Variants in SLC26A3 observed in about 807,000 individuals in gnomAD.
SLC26A3 encodes the protein chloride anion exchanger.
Under a neutral mutation model 85.6 loss-of-function variants are expected in SLC26A3, and 64 were observed. The ratio of observed to expected loss-of-function variants is 0.75; its 90% CI spans 0.61 to 0.92. The LOEUF (loss-of-function observed/expected upper bound fraction) is 0.92. SLC26A3 is among the 40% of genes least tolerant of loss of function. The pLI, the probability that SLC26A3 is intolerant of heterozygous loss-of-function variation, is 0.00. For missense variants in SLC26A3, 922 were observed against 927.3 expected (o/e 0.99, Z 0.07); for synonymous variants, 349 against 336.0 (o/e 1.04, Z -0.42).
chr7:107,788,212 C>T (rs986628084), intron 6 of SLC26A3, among the ~76,000 whole-genome samples: 1 of 152,110 alleles, frequency 6.6e-6, no homozygotes, highest in Non-Finnish European at 1.5e-5. Flanking sequence ...TTTTGGGAGT[C>T]GTTAAAAATC....
rs570484763 is a variant in SLC26A3 at position 107,797,232 on chromosome 7, G to A, written c.-88-2635C>T. Among the ~76,000 whole-genome samples, 7 of 152,264 alleles carry A rather than the reference G, an allele frequency of 4.6e-5. 1 individual carries two copies. The highest frequency in any genetic ancestry group is 7.4e-5 in the Non-Finnish European group (5 of 68,018). On this transcript the variant is annotated intron_variant, in intron 1 of 20. Coordinates refer to ENST00000340010, the MANE Select transcript of SLC26A3 (RefSeq NM_000111.3). ...TTTCCGGCCAGGCGCGGTGGCTTAC[G>A]CCTGTAATCCCAGCACTTTGGGAGG...
In SLC26A3 at chr7:107,774,103, C is replaced by G; in HGVS notation, c.1824G>C (p.Leu608=). The G allele has an allele frequency of 6.2e-7, 1 of 1,614,158 alleles. No homozygotes were observed. Reference sequence around the variant, plus strand: ...CCAGTACTTCTATCTGATTGTTGTCCAGCTCTTCGTCAGAATCTTTTATGG... The same window carrying G: ...CCAGTACTTCTATCTGATTGTTGTCGAGCTCTTCGTCAGAATCTTTTATGG... ...VDTIKDSDEE[L]DNNQIEVLDQ... The change falls in exon 17 of 21, where the codon CTG becomes CTC. Residue 608 remains leucine, a synonymous_variant. Transcript: ENST00000340010.
intron 15 of SLC26A3, among the ~76,000 whole-genome samples, chr7:107,775,350 TG>T (rs753801499): frequency 3.3e-5 from 5 of 152,168 alleles, no homozygotes; most frequent in African/African-American, 4.8e-5. Flanking sequence ...GGCTAATCTT[TG>T]TTTTTTTCAA....
chr7:107,782,933 T>C, intron 10 of SLC26A3, 47 bp downstream of exon 10: 1 of 1,612,954 alleles, frequency 6.2e-7, no homozygotes, highest in East Asian at 2.2e-5. Flanking sequence ...TTGAATTTCC[T>C]AGTTACTAAC....
rs749777742 is a variant in SLC26A3 at position 107,774,839 on chromosome 7, G to A, written c.1711C>T (p.Arg571Cys). Reference protein sequence around the residue: ...GFSPLRILRKRNKALRKIRKL... With the variant: ...GFSPLRILRKCNKALRKIRKL... ...CGGATTTTCCTCAAAGCTTTGTTGC[G>A]CTTGCGTAGAATTCGAAGTGGACTA... Residue 571 changes from arginine (R) to cysteine (C), a missense_variant, in exon 16 of 21, where the codon CGC (arginine) becomes TGC (cysteine). Arg to Cys is a radical substitution (Grantham distance 180). Coordinates refer to ENST00000340010, the MANE Select transcript of SLC26A3 (RefSeq NM_000111.3). 1.2e-5 allele frequency: 20 copies of A among 1,613,980 alleles called. No individual in the cohort carries two copies. The highest frequency in any genetic ancestry group is 5.3e-5 in the African/African-American group (4 of 74,922).
intron 11 of SLC26A3, 145 bp from the exon 12 acceptor site, chr7:107,779,908 A>G: frequency 1.4e-6 from 1 of 715,928 alleles, no homozygotes; most frequent in Non-Finnish European, 2.5e-6. Context: ...GTGCGATGCC[A>G]CGCAAGACAC....
chr7:107,798,794 A>G (rs140943957), intron 1 of SLC26A3, among the ~76,000 whole-genome samples: 173 of 152,178 alleles, frequency 1.1e-3, no homozygotes, highest in Non-Finnish European at 1.8e-3. Flanking sequence ...TGAAAACACA[A>G]CTCACCTCAT....
At chr7:107,778,335 G>A (rs1794155079) in intron 12 of SLC26A3, 54 bp from the exon 13 acceptor site, 4 of 961,092 alleles carry the variant, frequency 4.2e-6, no homozygotes, top group Non-Finnish European at 6.5e-6. Context: ...AAAGTACAAT[G>A]TCGAGACGGG....
At chr7:107,768,030 G>T in intron 18 of SLC26A3, 122 bp from the exon 19 acceptor site, 2 of 863,044 alleles carry the variant, frequency 2.3e-6, no homozygotes, top group Non-Finnish European at 3.8e-6. Context: ...TTGGTTAAGT[G>T]TGTGTGGGTT....
intron 1 of SLC26A3, among the ~76,000 whole-genome samples, chr7:107,802,073 C>T (rs1402266524): frequency 3.0e-5 from 4 of 134,634 alleles, no homozygotes; most frequent in Non-Finnish European, 6.2e-5. Context: ...GCCTGGGCGA[C>T]AGAGTGAGAA....
At chr7:107,774,743 C>T (rs1794082145) in intron 16 of SLC26A3, 34 bp downstream of exon 16, 1 of 1,443,930 alleles carries the variant, frequency 6.9e-7, no homozygotes, top group Non-Finnish European at 9.8e-7. Context: ...AAGCTTTTAG[C>T]TATAATGCAT....
intron 3 of SLC26A3, among the ~76,000 whole-genome samples, chr7:107,792,625 T>A (rs553118610): frequency 6.6e-5 from 10 of 152,276 alleles, no homozygotes; most frequent in African/African-American, 2.4e-4. Flanking sequence ...TTTGCTCACC[T>A]GCCACTCACC....
At position 107,786,812 on chromosome 7, in the gene SLC26A3, C is replaced by T. The variant is rs1238393860; in HGVS notation, c.971+15G>A. ...GCTTAGTGCATGGTGATGCCATCAT[C>T]GAAGACACACTTACCCAGGATTCAT... On this transcript the variant is annotated intron_variant, in intron 8 of 20. Transcript: ENST00000340010. The T allele has an allele frequency of 9.3e-6, 15 of 1,607,208 alleles. No individual in the cohort carries two copies. Among genetic ancestry groups the T allele is most frequent in the African/African-American group, 1.3e-5 (1 of 74,742 alleles).
chr7:107,767,173 C>T (rs1284387996), intron 20 of SLC26A3, among the ~76,000 whole-genome samples: 1 of 152,104 alleles, frequency 6.6e-6, no homozygotes, highest in Non-Finnish European at 1.5e-5. Context: ...CTAGGGACTT[C>T]TCAAGCATCT....
chr7:107,792,926 T>A (rs549417265), intron 3 of SLC26A3, among the ~76,000 whole-genome samples: 15 of 152,232 alleles, frequency 9.9e-5, no homozygotes, highest in African/African-American at 3.6e-4. Flanking sequence ...TAAAAATGGA[T>A]AAAAACTTTG....
chr7:107,767,849 T>G lies in SLC26A3; in HGVS notation c.2122A>C (p.Ile708Leu). ...EFFDGEVKSS[I>L]FFLTIHDAVL... is the part of the protein sequence containing the mutation. ...GCATCATGGATTGTTAAGAAAAATATTGAGCTTTTCACTTCACCATCAAAA... is the reference window on the plus strand; with the variant it reads ...GCATCATGGATTGTTAAGAAAAATAGTGAGCTTTTCACTTCACCATCAAAA... The change falls in exon 19 of 21, where the codon ATA (isoleucine) becomes CTA (leucine). Residue 708 changes from isoleucine (I) to leucine (L), a missense_variant. Coordinates refer to ENST00000340010, the MANE Select transcript of SLC26A3 (RefSeq NM_000111.3). 6.2e-7 allele frequency: 1 copy of G among 1,613,636 alleles called. No individual in the cohort carries two copies. Among genetic ancestry groups the G allele is most frequent in the Non-Finnish European group, 8.5e-7 (1 of 1,179,666 alleles).
Position 107,765,850 on chromosome 7 carries a change from G to A in SLC26A3, c.*5C>T. 1.2e-6 allele frequency: 2 copies of A among 1,607,764 alleles called. No homozygotes were observed. Among genetic ancestry groups the A allele is most frequent in the East Asian group, 2.2e-5 (1 of 44,770 alleles). On this transcript the variant is annotated 3_prime_UTR_variant, in exon 21 of 21. Coordinates refer to ENST00000340010, the MANE Select transcript of SLC26A3 (RefSeq NM_000111.3). ...AGATGAAGATCCTTCTGAATTATAT[G>A]TTGATTAGAATTTTGTTTCAACTGG...
chr7:107,799,829 T>C (rs1462223607), intron 1 of SLC26A3, among the ~76,000 whole-genome samples: 12 of 152,246 alleles, frequency 7.9e-5, no homozygotes, highest in Admixed American at 7.8e-4. Context: ...AGTTAAATAT[T>C]GACTGTTGGT....
intron 18 of SLC26A3, among the ~76,000 whole-genome samples, chr7:107,771,439 A>G (rs534462756): frequency 6.6e-6 from 1 of 152,272 alleles, no homozygotes; most frequent in South Asian, 2.1e-4. Context: ...AATTAGAACT[A>G]TGGTATAGAG....
Sources: allele counts gnomAD v4.1 joint callset (sites outside exome capture counted in the v4.1 genomes callset), GRCh38; gene constraint gnomAD v4.1.1; transcripts MANE v1.5; gene names NCBI Gene and HGNC (gene_info 2026-07-23, HGNC 2026-07-21).